The following SLC2A14 variants were observed in gnomAD, a reference collection of about 807,000 sequenced individuals.
SLC2A14 encodes the protein solute carrier family 2 member 14.
SLC2A14 carries 13 observed loss-of-function variants against 43.0 expected under a neutral mutation model. The observed-to-expected ratio is 0.30, with a 90% CI of 0.20 to 0.48. The LOEUF (loss-of-function observed/expected upper bound fraction) is 0.48, where lower values mean the gene tolerates loss of function less well. Ranked by LOEUF, SLC2A14 falls within the 20% of genes least tolerant of loss-of-function variation. The pLI is 0.99. For missense variants in SLC2A14, 428 were observed against 620.4 expected (o/e 0.69, Z 3.29); for synonymous variants, 190 against 233.8 (o/e 0.81, Z 1.71).
chr12:7,850,045 A>AG (rs60800610), intron 2 of SLC2A14, among the ~76,000 whole-genome samples: 1 of 151,426 alleles, frequency 6.6e-6, no homozygotes. Flanking sequence ...AAAAAAAAAA[A>AG]GAGCCAAGAA....
intron 7 of SLC2A14, among the ~76,000 whole-genome samples, chr12:7,822,668 C>CAA (rs56052601): frequency 0.024 from 2,904 of 119,120 alleles, 113 homozygotes; most frequent in African/African-American, 0.079. Flanking sequence ...GACTCCATCT[C>CAA]AAAAAAAAAA....
intron 2 of SLC2A14, among the ~76,000 whole-genome samples, chr12:7,864,580 C>T (rs771962543): frequency 2.6e-5 from 4 of 151,962 alleles, no homozygotes; most frequent in African/African-American, 4.8e-5. Context: ...CCTCATCATC[C>T]GCCGGCCTCG....
upstream of SLC2A14, among the ~76,000 whole-genome samples, chr12:7,877,787 C>A (rs1945488142): frequency 1.3e-5 from 2 of 152,048 alleles, no homozygotes; most frequent in East Asian, 3.9e-4. Context: ...GATGAAGTCT[C>A]ACTTAGTTGG....
chr12:7,882,893 A>AG (rs2121112743), intron 1 of SLC2A14, among the ~76,000 whole-genome samples: 1 of 149,868 alleles, frequency 6.7e-6, no homozygotes, highest in East Asian at 2.0e-4. Context: ...TCAAGTTTAA[A>AG]AAAAAAAAAG....
chr12:7,853,859 T>G (rs1188949058), intron 2 of SLC2A14, among the ~76,000 whole-genome samples: 1 of 152,144 alleles, frequency 6.6e-6, no homozygotes, highest in Non-Finnish European at 1.5e-5. Context: ...ATAACTTTCT[T>G]CCAATATTGA....
chr12:7,890,968 G>A (rs1458007247), intron 1 of SLC2A14: 2 of 1,522,536 alleles, frequency 1.3e-6, no homozygotes, highest in South Asian at 1.2e-5. Flanking sequence ...TACCTGCCTT[G>A]AAGCATGATC....
In SLC2A14 at chr12:7,829,624, G is replaced by A. The variant is rs1210488619; in HGVS notation, c.513+142C>T. 6 of 1,241,756 alleles carry A rather than the reference G, an allele frequency of 4.8e-6. No individual in the cohort carries two copies. In the African/African-American group the frequency reaches 7.6e-5, roughly 16 times the overall value. The allele number at this position is 1,241,756 out of a possible 1,614,324, so 76.9% of individuals were successfully genotyped here. ...TTCTTTTCCTTTCTCTACTCAACCTGCTTCTTCAGCTACTATCTATTATCT... is the reference window on the plus strand; with the variant it reads ...TTCTTTTCCTTTCTCTACTCAACCTACTTCTTCAGCTACTATCTATTATCT... On this transcript the variant is annotated intron_variant, in intron 5 of 10. Transcript: ENST00000431042.
Position 7,831,732 on chromosome 12 carries a change from C to T in SLC2A14, c.144G>A (p.Thr48=), listed in dbSNP as rs1253638586. The T allele has an allele frequency of 7.4e-6, 12 of 1,614,172 alleles. No individual in the cohort carries two copies. Among genetic ancestry groups the T allele is most frequent in the South Asian group, 1.1e-5 (1 of 91,076 alleles). The change falls in exon 4 of 11, where the codon ACG becomes ACA. Residue 48 remains threonine, a synonymous_variant. Transcript: ENST00000431042. ...CAGAGGGAGGGGCATTTGCCTTGTC[C>T]GTCAAAGTTTTATTGATAAATTCCT... ...IIKEFINKTL[T]DKANAPPSEV...
chr12:7,883,524 C>A (rs1945628740), intron 1 of SLC2A14, among the ~76,000 whole-genome samples: 1 of 151,010 alleles, frequency 6.6e-6, no homozygotes, highest in Non-Finnish European at 1.5e-5. Context: ...CCTCGGCCTC[C>A]CAAAGTGCTG....
upstream of SLC2A14, among the ~76,000 whole-genome samples, chr12:7,876,833 G>A (rs144055429): frequency 6.0e-4 from 92 of 152,102 alleles, 1 homozygote; most frequent in Non-Finnish European, 1.1e-3. Context: ...GCATACGCCT[G>A]TAGTCCCAGC....
At chr12:7,867,757 A>G (rs1161237577) in intron 2 of SLC2A14, among the ~76,000 whole-genome samples, 1 of 151,686 alleles carries the variant, frequency 6.6e-6, no homozygotes, top group Non-Finnish European at 1.5e-5. Flanking sequence ...AGGCAGAAGA[A>G]TCACTTGAAC....
intron 2 of SLC2A14, among the ~76,000 whole-genome samples, chr12:7,838,596 A>G (rs1196723414): frequency 6.6e-6 from 1 of 152,196 alleles, no homozygotes; most frequent in Non-Finnish European, 1.5e-5. Context: ...AGGATTAATC[A>G]TACCTCTTTT....
At chr12:7,882,618 C>T (rs1222218480) in intron 1 of SLC2A14, among the ~76,000 whole-genome samples, 3 of 152,118 alleles carry the variant, frequency 2.0e-5, no homozygotes, top group Non-Finnish European at 4.4e-5. Flanking sequence ...ACGTGGATCA[C>T]TTGAGCTCAG....
At chr12:7,832,684 C>T in intron 3 of SLC2A14, 38 bp downstream of exon 3, 1 of 1,598,688 alleles carries the variant, frequency 6.3e-7, no homozygotes, top group Non-Finnish European at 8.6e-7. Flanking sequence ...GAATAATTTC[C>T]CTATTCCAGA....
At chr12:7,860,049 G>A (rs1216271294) in intron 2 of SLC2A14, among the ~76,000 whole-genome samples, 1 of 152,160 alleles carries the variant, frequency 6.6e-6, no homozygotes, top group Non-Finnish European at 1.5e-5. Flanking sequence ...TCCAGAGCCC[G>A]TTGCTGTGGT....
At chr12:7,850,030 C>CT (rs1866797654) in intron 2 of SLC2A14, among the ~76,000 whole-genome samples, 1 of 99,892 alleles carries the variant, frequency 1.0e-5, no homozygotes, top group African/African-American at 3.3e-5. Context: ...CAAGAAAGTG[C>CT]TAAAAAAAAA....
At chr12:7,855,749 T>C (rs1477256983) in intron 2 of SLC2A14, among the ~76,000 whole-genome samples, 1 of 152,114 alleles carries the variant, frequency 6.6e-6, no homozygotes, top group East Asian at 1.9e-4. Flanking sequence ...ATGATTCTCC[T>C]GTCTCAGCCT....
At chr12:7,858,269 A>G (rs374891979) in intron 2 of SLC2A14, among the ~76,000 whole-genome samples, 1 of 152,184 alleles carries the variant, frequency 6.6e-6, no homozygotes, top group South Asian at 2.1e-4. Context: ...ATGAAATCCA[A>G]TGGTCAATTC....
At chr12:7,891,191 G>C, upstream of SLC2A14, 7 of 1,410,276 alleles carry the variant, frequency 5.0e-6, no homozygotes, top group Non-Finnish European at 6.6e-6. Context: ...CCCAGGAGCA[G>C]AGTGCAGAGG....
Sources: gnomAD v4.1 joint callset for allele counts (sites outside exome capture counted in the v4.1 genomes callset) on GRCh38, gnomAD v4.1.1 for gene constraint, MANE v1.5 for transcripts, NCBI Gene and HGNC (gene_info 2026-07-23, HGNC 2026-07-21) for gene names.